The following CSMD1 variants were observed in gnomAD, a reference collection of about 807,000 sequenced individuals.
CSMD1 encodes the protein CUB and sushi domain-containing protein 1.
CSMD1 carries 213 observed loss-of-function variants against 417.5 expected under a neutral mutation model. That is an observed-to-expected ratio of 0.51 (90% CI 0.46 to 0.57). The LOEUF (loss-of-function observed/expected upper bound fraction) is 0.57, where lower values mean the gene tolerates loss of function less well. Ranked by LOEUF, CSMD1 falls within the 20% of genes least tolerant of loss-of-function variation. The pLI is 0.00. For synonymous variants in CSMD1, 2,862 were observed against 1,736.8 expected (o/e 1.65, Z -16.11); for missense variants, 6,923 against 4,529.7 (o/e 1.53, Z -15.17).
chr8:4,040,744 C>T (rs1411912442), intron 3 of CSMD1, among the ~76,000 whole-genome samples: 6 of 152,130 alleles, frequency 3.9e-5, no homozygotes, highest in African/African-American at 1.4e-4. Flanking sequence ...AAGTCAAAAA[C>T]AAGGTAAGCG....
At chr8:4,363,307 G>A (rs1455970622) in intron 3 of CSMD1, among the ~76,000 whole-genome samples, 3 of 152,152 alleles carry the variant, frequency 2.0e-5, no homozygotes, top group East Asian at 3.9e-4. Flanking sequence ...TGCCCGTCAT[G>A]AAATTCTATA....
At chr8:4,432,905 G>A (rs1252441476) in intron 2 of CSMD1, among the ~76,000 whole-genome samples, 1 of 152,232 alleles carries the variant, frequency 6.6e-6, no homozygotes, top group Non-Finnish European at 1.5e-5. Flanking sequence ...GTGAGCAGCA[G>A]AAGCCAGAGA....
rs1797173403 is a variant in CSMD1 at position 3,638,911 on chromosome 8, A to T, written c.1010-22114T>A. ...GGGAAAAGTGAAGAAGGGACTCCGA[A>T]TAGCCTGATATTTATTTTCTGTCTC... On this transcript the variant is annotated intron_variant, in intron 7 of 69. Coordinates refer to ENST00000635120, the MANE Select transcript of CSMD1 (RefSeq NM_033225.6). 1.3e-5 allele frequency among the ~76,000 whole-genome samples: 2 copies of T among 152,176 alleles called. 1 individual carries two copies.
At chr8:3,631,959 T>C (rs1404976171) in intron 7 of CSMD1, among the ~76,000 whole-genome samples, 2 of 152,232 alleles carry the variant, frequency 1.3e-5, no homozygotes, top group African/African-American at 4.8e-5. Context: ...AATTTCAACA[T>C]AGTAGCCTCA....
intron 3 of CSMD1, among the ~76,000 whole-genome samples, chr8:4,058,300 T>A (rs1233357950): frequency 6.6e-6 from 1 of 152,100 alleles, no homozygotes; most frequent in Non-Finnish European, 1.5e-5. Context: ...GAAGCAACTG[T>A]GAATGGGAGT....
intron 9 of CSMD1, among the ~76,000 whole-genome samples, chr8:3,576,303 C>A (rs987633877): frequency 2.2e-5 from 3 of 137,224 alleles, no homozygotes; most frequent in African/African-American, 8.6e-5. Flanking sequence ...AATAATAATA[C>A]AAATCATGGC....
At chr8:4,428,607 G>C (rs528263299) in intron 2 of CSMD1, among the ~76,000 whole-genome samples, 2 of 152,204 alleles carry the variant, frequency 1.3e-5, no homozygotes, top group African/African-American at 4.8e-5. Context: ...TACTAGATGT[G>C]CTCAAGTTCC....
At chr8:4,061,669 A>T (rs1798980117) in intron 3 of CSMD1, among the ~76,000 whole-genome samples, 1 of 152,146 alleles carries the variant, frequency 6.6e-6, no homozygotes, top group Admixed American at 6.5e-5. Flanking sequence ...CTGTTTCGTG[A>T]TGGTGTGAAA....
At chr8:4,831,368 A>T (rs1397406021) in intron 1 of CSMD1, among the ~76,000 whole-genome samples, 1 of 152,194 alleles carries the variant, frequency 6.6e-6, no homozygotes, top group Non-Finnish European at 1.5e-5. Flanking sequence ...CCTTATTCTT[A>T]TGAATAAAAC....
chr8:4,181,189 A>G (rs549061039), intron 3 of CSMD1, among the ~76,000 whole-genome samples: 1 of 152,162 alleles, frequency 6.6e-6, no homozygotes, highest in Non-Finnish European at 1.5e-5. Context: ...CATTGAATAA[A>G]TAGACATCCC....
At chr8:3,142,749 A>G in intron 40 of CSMD1, 75 bp from the exon 41 acceptor site, 8 of 1,214,872 alleles carry the variant, frequency 6.6e-6, no homozygotes, top group Non-Finnish European at 9.7e-6. Context: ...AAAGGGACTG[A>G]AGTGTTAGCA....
At chr8:4,668,304 G>C (rs769729619) in intron 1 of CSMD1, among the ~76,000 whole-genome samples, 3 of 151,768 alleles carry the variant, frequency 2.0e-5, no homozygotes, top group Non-Finnish European at 2.9e-5. Flanking sequence ...TTGTAACTTA[G>C]CTTTCTTGGA....
chr8:3,116,112 T>C (rs10216636), intron 42 of CSMD1, among the ~76,000 whole-genome samples: 11,972 of 152,256 alleles, frequency 0.079, 550 homozygotes, highest in South Asian at 0.14. Flanking sequence ...TTTTAAGAAA[T>C]ATAAACTTTC....
At chr8:4,352,352 C>G (rs992025485) in intron 3 of CSMD1, among the ~76,000 whole-genome samples, 3 of 152,158 alleles carry the variant, frequency 2.0e-5, no homozygotes, top group African/African-American at 7.2e-5. Context: ...TTAGAATGTT[C>G]TCAGATAATT....
intron 1 of CSMD1, among the ~76,000 whole-genome samples, chr8:4,840,762 A>G (rs1461860285): frequency 6.6e-6 from 1 of 152,198 alleles, no homozygotes; most frequent in Non-Finnish European, 1.5e-5. Flanking sequence ...CTAATAGACA[A>G]AACTATTAAA....
At chr8:2,952,806 G>T (rs986459823) in intron 65 of CSMD1, among the ~76,000 whole-genome samples, 1 of 152,148 alleles carries the variant, frequency 6.6e-6, no homozygotes, top group Non-Finnish European at 1.5e-5. Context: ...TGGCTGGGTA[G>T]GGTAAGATAC....
chr8:3,848,200 C>G (rs2954215), intron 5 of CSMD1, among the ~76,000 whole-genome samples: 27,961 of 151,924 alleles, frequency 0.18, 2,763 homozygotes, highest in East Asian at 0.4. Flanking sequence ...ATGTCAGGAA[C>G]AATCAGAAGT....
intron 12 of CSMD1, among the ~76,000 whole-genome samples, chr8:3,443,848 G>C (rs1815141768): frequency 6.6e-6 from 1 of 152,166 alleles, no homozygotes; most frequent in Admixed American, 6.5e-5. Context: ...TGATGCATAT[G>C]GAAATGTTGG....
At chr8:4,138,964 C>G (rs1365743672) in intron 3 of CSMD1, among the ~76,000 whole-genome samples, 2 of 152,158 alleles carry the variant, frequency 1.3e-5, no homozygotes, top group Non-Finnish European at 2.9e-5. Flanking sequence ...CGAACACTCG[C>G]CATGCATCTT....
Sources: gnomAD v4.1 joint callset for allele counts (sites outside exome capture counted in the v4.1 genomes callset) on GRCh38, gnomAD v4.1.1 for gene constraint, MANE v1.5 for transcripts, NCBI Gene and HGNC (gene_info 2026-07-23, HGNC 2026-07-21) for gene names.